Variants in AGPS observed in about 807,000 individuals in gnomAD.
AGPS encodes alkyldihydroxyacetonephosphate synthase, peroxisomal.
Under a neutral mutation model 90.7 loss-of-function variants are expected in AGPS, and 26 were observed. The ratio of observed to expected loss-of-function variants is 0.29; its 90% confidence interval spans 0.21 to 0.40. The LOEUF (loss-of-function observed/expected upper bound fraction) is 0.40, where lower values mean the gene tolerates loss of function less well. Among genes scored for constraint, AGPS ranks in the 10% least tolerant of loss-of-function variants. AGPS has a pLI of 1.00. For synonymous variants in AGPS, 294 were observed against 285.3 expected (o/e 1.03, Z -0.31); for missense variants, 540 against 816.1 (o/e 0.66, Z 4.12).
At position 177,392,972 on chromosome 2, in the gene AGPS, G is replaced by C. The variant is rs771230948; in HGVS notation, c.183G>C (p.Arg61=). 1 of 1,550,020 alleles carries C rather than the reference G, an allele frequency of 6.5e-7. No individual in the cohort carries two copies. The highest frequency in any genetic ancestry group is 1.2e-5 in the South Asian group (1 of 84,044). The change falls in exon 1 of 20, where the codon CGG becomes CGC. Residue 61 remains arginine, a synonymous_variant. Transcript: ENST00000264167. ...EALSTNECKA[R]RAASAATAAP... ...TGAGTACCAATGAGTGCAAAGCGCG[G>C]AGAGCCGCGTCGGCGGCCACGGCAG...
At chr2:177,479,120 A>G (rs1687869042) in intron 10 of AGPS, among the ~76,000 whole-genome samples, 1 of 152,120 alleles carries the variant, frequency 6.6e-6, no homozygotes, top group Non-Finnish European at 1.5e-5. Context: ...TATCTAAGTA[A>G]CACCTCTGCT....
At chr2:177,399,095 T>G (rs1685262331) in intron 1 of AGPS, among the ~76,000 whole-genome samples, 1 of 152,244 alleles carries the variant, frequency 6.6e-6, no homozygotes, top group Admixed American at 6.5e-5. Context: ...CCATCTACCC[T>G]TGTGGTCATT....
chr2:177,497,672 CTT>C lies in AGPS; in HGVS notation c.1286-12_1286-11del. The C allele has an allele frequency of 2.0e-6, 3 of 1,464,222 alleles. No homozygotes were observed. Among genetic ancestry groups the C allele is most frequent in the East Asian group, 4.7e-5 (2 of 42,276 alleles). 90.7% of individuals were successfully genotyped at this position (1,464,222 alleles called of 1,614,324 possible). A position where few individuals can be genotyped will look rare whatever the true frequency, so the allele number is the denominator to read the frequency against. The stretch of plus-strand genomic sequence containing the variant: ...ACATAGACTAACCTATTAATATAAA[CTT>C]TTTTCTCTTCTTAGGTCATGCTCTT... On this transcript the variant is annotated splice_polypyrimidine_tract_variant and intron_variant, in intron 12 of 19. Coordinates refer to ENST00000264167, the MANE Select transcript of AGPS (RefSeq NM_003659.4).
At chr2:177,461,442 C>A (rs1053334742) in intron 8 of AGPS, among the ~76,000 whole-genome samples, 1 of 152,170 alleles carries the variant, frequency 6.6e-6, no homozygotes, top group Non-Finnish European at 1.5e-5. Flanking sequence ...TTTCTGCAGG[C>A]CTGCTGCATA....
chr2:177,446,646 G>A (rs558037752), intron 8 of AGPS, among the ~76,000 whole-genome samples: 2 of 152,248 alleles, frequency 1.3e-5, no homozygotes, highest in South Asian at 2.1e-4. Flanking sequence ...CTTTTTTACT[G>A]GTATTGTTCT....
chr2:177,487,475 T>G (rs201332765), intron 11 of AGPS, among the ~76,000 whole-genome samples: 1 of 152,114 alleles, frequency 6.6e-6, no homozygotes, highest in East Asian at 1.9e-4. Context: ...GGGTTTTTTG[T>G]TTGTTTGTTT....
At chr2:177,431,623 A>C (rs1225765080) in intron 2 of AGPS, among the ~76,000 whole-genome samples, 10 of 152,152 alleles carry the variant, frequency 6.6e-5, no homozygotes, top group Non-Finnish European at 1.3e-4. Flanking sequence ...CCAGGGTATT[A>C]ATTATTAATA....
intron 1 of AGPS, among the ~76,000 whole-genome samples, chr2:177,398,324 A>G (rs1188654955): frequency 6.6e-6 from 1 of 152,212 alleles, no homozygotes; most frequent in East Asian, 1.9e-4. Flanking sequence ...TAGGAGTTTT[A>G]ATTGACTAAG....
intron 18 of AGPS, among the ~76,000 whole-genome samples, chr2:177,522,119 A>G (rs1689212463): frequency 6.6e-6 from 1 of 152,020 alleles, no homozygotes; most frequent in Non-Finnish European, 1.5e-5. Context: ...ATTCAAGTAC[A>G]GTAAGCTGTA....
intron 17 of AGPS, among the ~76,000 whole-genome samples, chr2:177,517,417 G>T (rs918086845): frequency 6.6e-6 from 1 of 152,054 alleles, no homozygotes; most frequent in Non-Finnish European, 1.5e-5. Context: ...ATTTCACTCA[G>T]TCTGATCATA....
intron 8 of AGPS, among the ~76,000 whole-genome samples, chr2:177,455,090 G>A (rs1687072089): frequency 6.6e-6 from 1 of 152,052 alleles, no homozygotes; most frequent in East Asian, 1.9e-4. Context: ...GCCCAGGGAA[G>A]CCAAAAGGCT....
At chr2:177,521,167 T>C in intron 17 of AGPS, 102 bp from the exon 18 acceptor site, 1 of 1,020,590 alleles carries the variant, frequency 9.8e-7, no homozygotes, top group Non-Finnish European at 1.5e-6. Flanking sequence ...TGAGATTATA[T>C]CTTAAACTAA....
At chr2:177,495,805 C>T (rs1688395191) in intron 12 of AGPS, among the ~76,000 whole-genome samples, 2 of 149,750 alleles carry the variant, frequency 1.3e-5, no homozygotes, top group Non-Finnish European at 3.0e-5. Flanking sequence ...GTAGTCCCAG[C>T]TACTCGGGAG....
At chr2:177,531,633 A>G (rs1438680916) in intron 19 of AGPS, among the ~76,000 whole-genome samples, 2 of 152,196 alleles carry the variant, frequency 1.3e-5, no homozygotes, top group Non-Finnish European at 2.9e-5. Flanking sequence ...GTTTAAATAG[A>G]TATAGAAAAT....
At chr2:177,458,531 A>G (rs1015487317) in intron 8 of AGPS, among the ~76,000 whole-genome samples, 3 of 152,096 alleles carry the variant, frequency 2.0e-5, no homozygotes, top group African/African-American at 7.2e-5. Context: ...ATTCCTATAC[A>G]CCAATAACAG....
rs1686746827 is a variant in AGPS, at chr2:177,445,623, A to G, written c.867A>G (p.Arg289=). 2.5e-6 allele frequency: 4 copies of G among 1,595,338 alleles called. No homozygotes were observed. Among genetic ancestry groups the G allele is most frequent in the Admixed American group, 1.7e-5 (1 of 58,310 alleles). ...GCATAACAGGACAAGAGTTGGAAAG[A>G]CAGGTATGTTATTTATTTTTCTTAT... The part of the protein sequence containing the change: ...EAGITGQELE[R]QLKESGYCTG... Residue 289 remains arginine (R), a synonymous_variant, in exon 8 of 20, where the codon AGA becomes AGG. Transcript: ENST00000264167.
At chr2:177,502,578 G>A (rs1250407226) in intron 14 of AGPS, among the ~76,000 whole-genome samples, 1 of 151,602 alleles carries the variant, frequency 6.6e-6, no homozygotes, top group African/African-American at 2.4e-5. Flanking sequence ...CACCATGCCT[G>A]GCTAATTTTT....
chr2:177,480,352 A>G (rs868854270), intron 10 of AGPS, among the ~76,000 whole-genome samples: 26 of 152,200 alleles, frequency 1.7e-4, no homozygotes, highest in Admixed American at 5.9e-4. Context: ...GATAGACTGG[A>G]TTAAGAAAAT....
At chr2:177,442,618 G>A (rs1053573397) in intron 7 of AGPS, 132 bp downstream of exon 7, 8 of 710,380 alleles carry the variant, frequency 1.1e-5, no homozygotes, top group Non-Finnish European at 1.9e-5. Flanking sequence ...AGGCTGAGGT[G>A]GGTGGATCAC....
Sources: gnomAD v4.1 joint callset for allele counts (sites outside exome capture counted in the v4.1 genomes callset) on GRCh38, gnomAD v4.1.1 for gene constraint, MANE v1.5 for transcripts, NCBI Gene and HGNC (gene_info 2026-07-23, HGNC 2026-07-21) for gene names.